The following PSD3 variants were observed in gnomAD, a reference collection of about 807,000 sequenced individuals.
PSD3 encodes PH and SEC7 domain-containing protein 3.
In PSD3, 49 loss-of-function variants were observed where a neutral mutation model predicts 105.5. That is an observed-to-expected ratio of 0.46 (90% CI 0.37 to 0.59). The LOEUF is 0.59. PSD3 is among the 20% of genes least tolerant of loss of function. The pLI, the probability that PSD3 is intolerant of heterozygous loss-of-function variation, is 0.00. For missense variants in PSD3, 1,561 were observed against 1,263.8 expected (o/e 1.24, Z -3.57); for synonymous variants, 557 against 457.8 (o/e 1.22, Z -2.77).
rs1039637339 is a variant in PSD3 at position 18,530,533 on chromosome 8, T to A, written c.*5210A>T. On this transcript the variant is annotated 3_prime_UTR_variant, in exon 16 of 16. Transcript: ENST00000327040. ...ATACATAAATGATATGGTGGGTACT[T>A]AATTCTTCCGAAAGCTATATTTTTT... is the stretch of plus-strand genomic sequence containing the variant. 3 of 152,654 alleles carry A rather than the reference T, an allele frequency of 2.0e-5. No individual in the cohort carries two copies. Among genetic ancestry groups the A allele is most frequent in the Non-Finnish European group, 4.4e-5 (3 of 68,040 alleles). The allele number at this position is 152,654 out of a possible 1,614,324, so 9.5% of individuals were successfully genotyped here.
chr8:18,543,319 T>C (rs1800253192), intron 15 of PSD3, among the ~76,000 whole-genome samples: 1 of 152,094 alleles, frequency 6.6e-6, no homozygotes, highest in Admixed American at 6.5e-5. Context: ...TCTGTAAAAA[T>C]ACTTCCCAAA....
In PSD3 at chr8:19,013,665, C is replaced by A. The variant is rs1471876172; in HGVS notation, c.-82G>T. The A allele has an allele frequency of 5.1e-6, 6 of 1,169,486 alleles. No individual in the cohort carries two copies. Among genetic ancestry groups the A allele is most frequent in the Non-Finnish European group, 5.3e-6 (5 of 938,424 alleles). 72.4% of individuals were successfully genotyped at this position (1,169,486 alleles called of 1,614,324 possible). A position where few individuals can be genotyped will look rare whatever the true frequency, so the allele number is the denominator to read the frequency against. On this transcript the variant is annotated 5_prime_UTR_variant, in exon 1 of 16. Transcript: ENST00000327040. ...AGCCTCAGGGCGCGAGTGCCGGCGGCCAGCGCCGCGTGCTCTTTGTTGAGC... is the reference window on the plus strand; with the variant it reads ...AGCCTCAGGGCGCGAGTGCCGGCGGACAGCGCCGCGTGCTCTTTGTTGAGC...
intron 8 of PSD3, among the ~76,000 whole-genome samples, chr8:18,781,664 A>G (rs1175282431): frequency 6.6e-6 from 1 of 152,180 alleles, no homozygotes; most frequent in Admixed American, 6.5e-5. Flanking sequence ...CAGTTCGACT[A>G]TGAAGTGGCA....
intron 3 of PSD3, 93 bp from the exon 4 acceptor site, chr8:18,868,162 A>G: frequency 7.7e-7 from 1 of 1,302,114 alleles, no homozygotes; most frequent in Non-Finnish European, 1.1e-6. Flanking sequence ...CATTCTGAAG[A>G]TCTAACTCTT....
chr8:18,729,323 A>G (rs971605500), intron 9 of PSD3, among the ~76,000 whole-genome samples: 1 of 152,208 alleles, frequency 6.6e-6, no homozygotes, highest in Non-Finnish European at 1.5e-5. Context: ...TCTGATTTCA[A>G]TTTCTCTGTT....
At chr8:19,021,625 A>C (rs562741750) in intron 1 of PSD3, among the ~76,000 whole-genome samples, 1 of 151,928 alleles carries the variant, frequency 6.6e-6, no homozygotes, top group South Asian at 2.1e-4. Context: ...CCATGTAAGT[A>C]TCATAACCAG....
At position 18,904,258 on chromosome 8, in the gene PSD3, C is replaced by T. The variant is rs550660117; in HGVS notation, c.131-31525G>A. Among the ~76,000 whole-genome samples, 36 of 152,280 alleles carry T rather than the reference C, an allele frequency of 2.4e-4. No individual in the cohort carries two copies. The South Asian group carries it at 7.5e-3, about 32-fold the overall frequency. On this transcript the variant is annotated intron_variant, in intron 2 of 15. Transcript: ENST00000327040. ...CTAACAGAGTGAGAACTACTCATTA[C>T]CTCAGGGAGGCACCAAGCCACTCAT...
intron 8 of PSD3, among the ~76,000 whole-genome samples, chr8:18,797,055 A>G (rs1810249107): frequency 6.6e-6 from 1 of 152,158 alleles, no homozygotes; most frequent in Non-Finnish European, 1.5e-5. Flanking sequence ...TGGATTAAAA[A>G]CTTACCACCT....
At chr8:18,804,478 A>G in intron 6 of PSD3, 44 bp downstream of exon 6, 1 of 1,484,560 alleles carries the variant, frequency 6.7e-7, no homozygotes, top group Non-Finnish European at 9.3e-7. Context: ...CTAAGAACTA[A>G]TCATTTGAAA....
At chr8:19,049,226 T>C (rs1407677259) in intron 1 of PSD3, among the ~76,000 whole-genome samples, 2 of 152,152 alleles carry the variant, frequency 1.3e-5, no homozygotes, top group Non-Finnish European at 1.5e-5. Context: ...AGTCATCCCA[T>C]AATAGGCTCC....
At position 19,004,514 on chromosome 8, in the gene PSD3, A is replaced by G. The variant is rs749309543; in HGVS notation, c.21+9049T>C. On this transcript the variant is annotated intron_variant, in intron 1 of 15. Coordinates refer to ENST00000327040, the MANE Select transcript of PSD3 (RefSeq NM_015310.4). The stretch of plus-strand genomic sequence containing the variant: ...GAAAAGACAACCCACAGAATGAGAG[A>G]AGCTATTTGCAAAGCATATATCTGA... 3.2e-4 allele frequency among the ~76,000 whole-genome samples: 48 copies of G among 152,192 alleles called. 1 individual carries two copies. Among genetic ancestry groups the G allele is most frequent in the Admixed American group, 2.6e-4 (4 of 15,296 alleles).
chr8:18,661,864 G>T (rs187146776), intron 9 of PSD3, among the ~76,000 whole-genome samples: 1 of 152,098 alleles, frequency 6.6e-6, no homozygotes, highest in African/African-American at 2.4e-5. Flanking sequence ...GTGTTCTCCC[G>T]TACCCACTGG....
rs562709840 is a variant in PSD3 at position 18,788,878 on chromosome 8, T to C, written c.2082+10417A>G. On this transcript the variant is annotated intron_variant, in intron 8 of 15. Coordinates refer to ENST00000327040, the MANE Select transcript of PSD3 (RefSeq NM_015310.4). ...TGCTTTGCTATCAAATAAGTTTGATTATGTCATGCTGCCCTCAGGTGTCCA... is the reference window on the plus strand; with the variant it reads ...TGCTTTGCTATCAAATAAGTTTGATCATGTCATGCTGCCCTCAGGTGTCCA... Among the ~76,000 whole-genome samples the C allele has an allele frequency of 9.0e-4, 137 of 152,328 alleles. 1 individual carries two copies. Among genetic ancestry groups the C allele is most frequent in the African/African-American group, 3.1e-3 (128 of 41,556 alleles).
chr8:18,861,653 G>C (rs769780835), intron 4 of PSD3, among the ~76,000 whole-genome samples: 2 of 152,118 alleles, frequency 1.3e-5, no homozygotes, highest in Non-Finnish European at 2.9e-5. Flanking sequence ...GTGTCCTAGA[G>C]TCAAACATTC....
chr8:19,058,782 C>G (rs1039557748), intron 1 of PSD3, among the ~76,000 whole-genome samples: 3 of 152,030 alleles, frequency 2.0e-5, no homozygotes, highest in Admixed American at 6.6e-5. Context: ...TCATCAGTAC[C>G]GAGGCCTGTA....
intron 4 of PSD3, among the ~76,000 whole-genome samples, chr8:18,835,370 T>C (rs1814020774): frequency 6.6e-6 from 1 of 152,210 alleles, no homozygotes; most frequent in Admixed American, 6.5e-5. Flanking sequence ...ACCTCATGTA[T>C]TGATTTACTA....
At chr8:18,897,438 G>A (rs564930120) in intron 2 of PSD3, among the ~76,000 whole-genome samples, 3 of 152,222 alleles carry the variant, frequency 2.0e-5, no homozygotes, top group African/African-American at 2.4e-5. Flanking sequence ...TTTGGAGTCC[G>A]GTAGTGTGAT....
At chr8:18,846,464 G>A (rs576477484) in intron 4 of PSD3, among the ~76,000 whole-genome samples, 102 of 152,264 alleles carry the variant, frequency 6.7e-4, no homozygotes, top group East Asian at 2.9e-3. Flanking sequence ...TGTTCCTTGT[G>A]AAGGTACAGG....
intron 11 of PSD3, among the ~76,000 whole-genome samples, chr8:18,612,978 G>C (rs1337613838): frequency 2.0e-5 from 3 of 149,830 alleles, no homozygotes; most frequent in Non-Finnish European, 2.9e-5. Flanking sequence ...AGACGTGCAG[G>C]AAGAATTTAC....
Sources: gnomAD v4.1 joint callset for allele counts (sites outside exome capture counted in the v4.1 genomes callset) on GRCh38, gnomAD v4.1.1 for gene constraint, MANE v1.5 for transcripts, NCBI Gene and HGNC (gene_info 2026-07-23, HGNC 2026-07-21) for gene names.